The following SOX5 variants were observed in gnomAD, a reference collection of about 807,000 sequenced individuals.
The protein encoded by SOX5 is SRY-box transcription factor 5.
In SOX5, 9 loss-of-function variants were observed where a neutral mutation model predicts 92.0. That is an observed-to-expected ratio of 0.10 (90% CI 0.06 to 0.17). SOX5 has a LOEUF of 0.17. SOX5 is among the 10% of genes least tolerant of loss of function. SOX5 has a pLI of 1.00. For synonymous variants in SOX5, 344 were observed against 336.3 expected, an observed-to-expected ratio of 1.02 and a Z score of -0.25; for missense variants, 642 against 944.5, an observed-to-expected ratio of 0.68 and a Z score of 4.20.
chr12:24,447,529 C>CG (rs1941662311), intron 1 of SOX5, among the ~76,000 whole-genome samples: 1 of 151,530 alleles, frequency 6.6e-6, no homozygotes, highest in Non-Finnish European at 1.5e-5. Flanking sequence ...AATGACACTA[C>CG]GGAAAAAAAA....
intron 4 of SOX5, among the ~76,000 whole-genome samples, chr12:24,174,394 T>C (rs1954566715): frequency 6.6e-6 from 1 of 152,184 alleles, no homozygotes; most frequent in Non-Finnish European, 1.5e-5. Context: ...CTTTGTTTTC[T>C]TACTATGCCA....
At chr12:24,346,600 G>A (rs551699936) in intron 2 of SOX5, among the ~76,000 whole-genome samples, 6 of 151,768 alleles carry the variant, frequency 4.0e-5, no homozygotes, top group South Asian at 2.1e-4. Flanking sequence ...CTACAGGTGC[G>A]TGCCACCATG....
intron 1 of SOX5, among the ~76,000 whole-genome samples, chr12:23,931,848 C>T (rs563853128): frequency 4.0e-5 from 6 of 151,500 alleles, no homozygotes; most frequent in South Asian, 2.1e-4. Flanking sequence ...TGTTATTACA[C>T]GGACTTTGTA....
At chr12:24,216,553 AAAG>A (rs892517960) in intron 3 of SOX5, among the ~76,000 whole-genome samples, 7 of 152,164 alleles carry the variant, frequency 4.6e-5, no homozygotes, top group African/African-American at 1.2e-4. Context: ...ACCTCTGGGG[AAAG>A]AAGAAGATCT....
chr12:23,849,773 A>AT (rs1193840489), intron 2 of SOX5, among the ~76,000 whole-genome samples: 3 of 152,162 alleles, frequency 2.0e-5, no homozygotes, highest in African/African-American at 7.2e-5. Flanking sequence ...TTCATGTCAT[A>AT]TTTTTTAAAA....
intron 1 of SOX5, among the ~76,000 whole-genome samples, chr12:24,369,047 G>GTA (rs1039606407): frequency 1.3e-5 from 2 of 152,152 alleles, no homozygotes; most frequent in Non-Finnish European, 2.9e-5. Context: ...AAGGGTAACT[G>GTA]TAGTGTCTTT....
At chr12:24,434,566 G>T (rs79896279) in intron 1 of SOX5, among the ~76,000 whole-genome samples, 4,629 of 152,216 alleles carry the variant, frequency 0.03, 105 homozygotes, top group Admixed American at 0.044. Context: ...TTTCCCTAGG[G>T]CTGGAGGTAG....
intron 3 of SOX5, among the ~76,000 whole-genome samples, chr12:23,801,950 T>C (rs941287477): frequency 6.6e-6 from 1 of 152,206 alleles, no homozygotes; most frequent in Non-Finnish European, 1.5e-5. Flanking sequence ...AGAATTTACA[T>C]ATCAACTATT....
chr12:24,392,691 C>A (rs775412733), intron 1 of SOX5, among the ~76,000 whole-genome samples: 1 of 152,024 alleles, frequency 6.6e-6, no homozygotes, highest in East Asian at 1.9e-4. Context: ...CCCCTAGAAC[C>A]CAAACGCTTT....
rs879260192 is a variant in SOX5, at chr12:24,095,152, G to GAGAGAGAGAGAGAC, written c.-2+118190_-2+118191insGTCTCTCTCTCTCT. On this transcript the variant is annotated intron_variant, in intron 4 of 4. Coordinates refer to the SOX5 transcript ENST00000446891. ...ACAGAGAGAGAGAGAGAGAGAGAGAGAGAGACAGAGACAGAGAGACAGAGA... is the reference window on the plus strand; with the variant it reads ...ACAGAGAGAGAGAGAGAGAGAGAGAGAGAGAGAGAGAGACAGAGACAGAGACAGAGAGACAGAGA... Among the ~76,000 whole-genome samples, 88 of 137,612 alleles carry GAGAGAGAGAGAGAC rather than the reference G, an allele frequency of 6.4e-4. 1 individual carries two copies. Among genetic ancestry groups the GAGAGAGAGAGAGAC allele is most frequent in the Admixed American group, 1.1e-3 (15 of 13,630 alleles). The allele number at this position is 137,612 out of a possible 152,430, so 90.3% of individuals were successfully genotyped here.
intron 6 of SOX5, among the ~76,000 whole-genome samples, chr12:23,720,781 T>C (rs1159919000): frequency 6.6e-6 from 1 of 152,232 alleles, no homozygotes; most frequent in Admixed American, 6.5e-5. Flanking sequence ...CATTCAAATA[T>C]TGTTCCAAAT....
intron 1 of SOX5, among the ~76,000 whole-genome samples, chr12:24,530,648 GA>G (rs1236139935): frequency 4.8e-4 from 58 of 120,662 alleles, no homozygotes; most frequent in South Asian, 2.6e-3. Context: ...GTGAGACTCT[GA>G]AAAAAAAAAA....
At chr12:24,493,589 G>A (rs1006784724) in intron 1 of SOX5, among the ~76,000 whole-genome samples, 5 of 152,164 alleles carry the variant, frequency 3.3e-5, no homozygotes, top group African/African-American at 1.2e-4. Context: ...TTTTGGCCGG[G>A]TGCGGTGGCT....
At position 23,530,953 on chromosome 12, in the gene SOX5, T is replaced by C. The variant is rs2135799370; in HGVS notation, c.*3266A>G. 1 of 152,278 alleles carries C rather than the reference T, an allele frequency of 6.6e-6. No individual in the cohort carries two copies. The highest frequency in any genetic ancestry group is 1.5e-5 in the Non-Finnish European group (1 of 68,018). 9.4% of individuals were successfully genotyped at this position (152,278 alleles called of 1,614,324 possible). On this transcript the variant is annotated 3_prime_UTR_variant, in exon 15 of 15. Transcript: ENST00000451604. ...ATCTTTTGATCTTACTCTCATTTTC[T>C]TTATCTTTTTTGGTCATTATGGGGC...
At chr12:24,061,391 A>T (rs1166630172) in intron 4 of SOX5, among the ~76,000 whole-genome samples, 3 of 152,030 alleles carry the variant, frequency 2.0e-5, no homozygotes, top group Non-Finnish European at 4.4e-5. Context: ...CAAACCATCC[A>T]TTATTGCCAT....
At chr12:24,224,216 C>T (rs985746375) in intron 3 of SOX5, among the ~76,000 whole-genome samples, 5 of 152,154 alleles carry the variant, frequency 3.3e-5, no homozygotes, top group Admixed American at 2.6e-4. Context: ...TCAGTTGTGC[C>T]GCTTCACTCA....
At chr12:24,262,141 C>T (rs547065508) in intron 3 of SOX5, among the ~76,000 whole-genome samples, 2 of 152,182 alleles carry the variant, frequency 1.3e-5, no homozygotes, top group Non-Finnish European at 2.9e-5. Context: ...TCAGAAATTT[C>T]TCCCAAGGAG....
At chr12:23,609,719 TCA>T (rs2075729248) in intron 8 of SOX5, among the ~76,000 whole-genome samples, 1 of 152,154 alleles carries the variant, frequency 6.6e-6, no homozygotes, top group South Asian at 2.1e-4. Context: ...AAGTATTAAT[TCA>T]CACAGAGAGG....
At chr12:23,960,893 C>CA (rs1946857072) in intron 4 of SOX5, among the ~76,000 whole-genome samples, 1 of 151,992 alleles carries the variant, frequency 6.6e-6, no homozygotes, top group Admixed American at 6.6e-5. Context: ...AGATAGGGGA[C>CA]AGGTGTGAGA....
Sources: gnomAD v4.1 joint callset for allele counts (sites outside exome capture counted in the v4.1 genomes callset) on GRCh38, gnomAD v4.1.1 for gene constraint, MANE v1.5 for transcripts, NCBI Gene and HGNC (gene_info 2026-07-23, HGNC 2026-07-21) for gene names.